The following PFAS variants were observed in gnomAD, a reference collection of about 807,000 sequenced individuals.
The protein encoded by PFAS is phosphoribosylformylglycinamidine synthase.
Under a neutral mutation model 140.6 loss-of-function variants are expected in PFAS, and 97 were observed. The observed-to-expected ratio is 0.69, with a 90% CI of 0.59 to 0.82. The LOEUF (loss-of-function observed/expected upper bound fraction) is 0.82. Ranked by LOEUF, PFAS falls within the 40% of genes least tolerant of loss-of-function variation. The pLI is 0.00. For synonymous variants in PFAS, 679 were observed against 718.8 expected (o/e 0.94, Z 0.88); for missense variants, 1,656 against 1,780.2 (o/e 0.93, Z 1.26).
chr17:8,258,182 A>T lies in PFAS; in HGVS notation c.1319A>T (p.Lys440Met). 1 of 1,614,056 alleles carries T rather than the reference A, an allele frequency of 6.2e-7. No homozygotes were observed. ...IGSMEADHIS[K>M]EAPEPGMEVV... ...TCCATGGAAGCTGACCACATAAGCA[A>T]GGAGGCCCCAGAGCCAGGTAAGAGC... The change falls in exon 11 of 28, where the codon AAG becomes ATG. Residue 440 changes from lysine to methionine, a missense_variant. Physicochemically the swap from Lys to Met is moderately conservative, Grantham distance 95. Coordinates refer to ENST00000314666, the MANE Select transcript of PFAS (RefSeq NM_012393.3).
chr17:8,256,800 A>G, intron 8 of PFAS, 35 bp from the exon 9 acceptor site: 1 of 1,565,676 alleles, frequency 6.4e-7, no homozygotes, highest in Non-Finnish European at 8.6e-7. Context: ...TTTGTCTCTG[A>G]GGCACCCAGA....
intron 1 of PFAS, among the ~76,000 whole-genome samples, chr17:8,252,252 C>T (rs1002025291): frequency 3.2e-4 from 49 of 151,264 alleles, no homozygotes; most frequent in Non-Finnish European, 6.8e-4. Flanking sequence ...CCAGATTGTG[C>T]CACTGCACTC....
At chr17:8,250,752 A>G (rs1567632639) in intron 1 of PFAS, among the ~76,000 whole-genome samples, 4 of 152,194 alleles carry the variant, frequency 2.6e-5, no homozygotes, top group Non-Finnish European at 5.9e-5. Context: ...CAGCAGAGAA[A>G]GAGGTTTAAT....
At chr17:8,256,195 G>A (rs576338195) in intron 6 of PFAS, 72 bp from the exon 7 acceptor site, 1 of 1,467,350 alleles carries the variant, frequency 6.8e-7, no homozygotes, top group African/African-American at 1.4e-5. Context: ...GTTAAATGCT[G>A]GTGAGAAGAC....
chr17:8,264,538 C>G lies in PFAS; in HGVS notation c.1986C>G (p.His662Gln). 1.9e-6 allele frequency: 3 copies of G among 1,613,576 alleles called. No homozygotes were observed. The highest frequency in any genetic ancestry group is 1.7e-6 in the Non-Finnish European group (2 of 1,179,714). Residue 662 changes from histidine to glutamine, a missense_variant, in exon 17 of 28, where the codon CAC (histidine) becomes CAG (glutamine). Coordinates refer to ENST00000314666, the MANE Select transcript of PFAS (RefSeq NM_012393.3). ...PLALPPGLSV[H>Q]QALERVLRLP... ...CCTTGCCCCCAGGGCTGAGCGTGCA[C>G]CAGGCTCTGGAGAGGGTTCTGAGGC...
chr17:8,248,079 TG>T, upstream of PFAS: 5 of 145,626 alleles, frequency 3.4e-5, no homozygotes, highest in Non-Finnish European at 6.8e-5. Context: ...GGTGCTCGCT[TG>T]GGGGTGGGGA....
Position 8,266,394 on chromosome 17 carries a change from C to G in PFAS, c.2821+41C>G. On this transcript the variant is annotated intron_variant, in intron 22 of 27. Transcript: ENST00000314666. The surrounding 1 kb of genome is among the most constrained non-coding windows in gnomAD (Gnocchi z 5.0). ...TCTAGTCTCAGGCCCGGGCTGCCTT[C>G]TCTACCCTGCAGACCCCATTTCCAA... 6.2e-7 allele frequency: 1 copy of G among 1,612,600 alleles called. No individual in the cohort carries two copies. The highest frequency in any genetic ancestry group is 8.5e-7 in the Non-Finnish European group (1 of 1,179,220).
intron 17 of PFAS, 67 bp downstream of exon 17, chr17:8,264,668 C>T: frequency 6.7e-7 from 1 of 1,484,430 alleles, no homozygotes; most frequent in Admixed American, 2.1e-5. Context: ...GCCCTCCCAC[C>T]CTTAGAAAGT....
In PFAS at chr17:8,267,558, A is replaced by G. The variant is rs1209966326; in HGVS notation, c.3275A>G (p.Asp1092Gly). 1 of 1,609,894 alleles carries G rather than the reference A, an allele frequency of 6.2e-7. No homozygotes were observed. Among genetic ancestry groups the G allele is most frequent in the Non-Finnish European group, 8.5e-7 (1 of 1,176,128 alleles). ...CCCTCCCCACCTTCGCAGGTATGGGACGTGACCATGCAGGACCTCTGCTCT... is the reference window on the plus strand; with the variant it reads ...CCCTCCCCACCTTCGCAGGTATGGGGCGTGACCATGCAGGACCTCTGCTCT... ...AFHLAGFEVW[D>G]VTMQDLCSGA... is the part of the protein sequence containing the mutation. Residue 1092 changes from aspartate to glycine, a missense_variant, in exon 26 of 28, where the codon GAC becomes GGC. Asp to Gly is a moderately conservative substitution (Grantham distance 94). Coordinates refer to ENST00000314666, the MANE Select transcript of PFAS (RefSeq NM_012393.3). The surrounding 1 kb of genome is among the most constrained non-coding windows in gnomAD (Gnocchi z 4.9).
rs748861273 is a variant in PFAS, at chr17:8,269,230, A to G, written c.3983A>G (p.Asn1328Ser). ...TTSPWLQLFINARNWTLEGSC is the reference protein window; with the variant it reads ...TTSPWLQLFISARNWTLEGSC ...TCCCCCTGGCTCCAGCTCTTTATCA[A>G]TGCCCGAAACTGGACCCTGGAAGGG... is the stretch of plus-strand genomic sequence containing the variant. Residue 1328 changes from asparagine (N) to serine (S), a missense_variant, in exon 28 of 28, where the codon AAT becomes AGT. This residue lies in a region of PFAS where 883 missense variants were observed against 1,023.0 expected (regional missense o/e 0.86). Transcript: ENST00000314666. The G allele has an allele frequency of 2.2e-5, 35 of 1,612,106 alleles. No individual in the cohort carries two copies. Among genetic ancestry groups the G allele is most frequent in the Middle Eastern group, 3.3e-4 (2 of 6,082 alleles).
chr17:8,251,284 C>G (rs1989140349), intron 1 of PFAS, among the ~76,000 whole-genome samples: 3 of 150,544 alleles, frequency 2.0e-5, no homozygotes, highest in Admixed American at 6.6e-5. Context: ...GACCCCATCT[C>G]AAAAAAAGAA....
chr17:8,248,405 G>A (rs566485036), upstream of PFAS, among the ~76,000 whole-genome samples: 15 of 61,330 alleles, frequency 2.4e-4, no homozygotes, highest in African/African-American at 9.0e-4. Context: ...CACCACGCCC[G>A]GCTAATTTTT....
intron 17 of PFAS, 53 bp downstream of exon 17, chr17:8,264,654 T>C (rs2151592605): frequency 1.3e-6 from 2 of 1,530,472 alleles, no homozygotes; most frequent in Non-Finnish European, 1.8e-6. Context: ...GCTCAGCCTC[T>C]TCTGCCCTCC....
intron 11 of PFAS, among the ~76,000 whole-genome samples, chr17:8,261,384 G>A (rs188211962): frequency 4.6e-5 from 7 of 151,542 alleles, no homozygotes; most frequent in East Asian, 2.0e-4. Flanking sequence ...TTACAGGCAC[G>A]TGCCACCACA....
At chr17:8,248,080 G>C (rs573605755), upstream of PFAS, 28 of 1,484,194 alleles carry the variant, frequency 1.9e-5, no homozygotes, top group Non-Finnish European at 2.4e-5. Flanking sequence ...GTGCTCGCTT[G>C]GGGGTGGGGA....
intron 1 of PFAS, among the ~76,000 whole-genome samples, chr17:8,250,650 G>T (rs1028304636): frequency 2.6e-5 from 4 of 152,162 alleles, no homozygotes; most frequent in African/African-American, 9.7e-5. Context: ...GATAGATGGG[G>T]AGGGCCTTTG....
rs781599080 is a variant in PFAS, at chr17:8,263,169, A to G, written c.1471A>G (p.Met491Val). ...FGAVQRGDPEMEQKMNRVIRA... is the reference protein window; with the variant it reads ...FGAVQRGDPEVEQKMNRVIRA... ...GGCTGTGCAGCGAGGAGACCCGGAG[A>G]TGGAACAGAAGATGAACCGTGTGAT... The change falls in exon 13 of 28, where the codon ATG becomes GTG. Residue 491 changes from methionine (M) to valine (V), a missense_variant. This residue lies in a region of PFAS where 773 missense variants were observed against 757.3 expected (regional missense o/e 1.02). Transcript: ENST00000314666. 6 of 1,613,938 alleles carry G rather than the reference A, an allele frequency of 3.7e-6. No homozygotes were observed. Among genetic ancestry groups the G allele is most frequent in the South Asian group, 1.1e-5 (1 of 91,066 alleles).
intron 1 of PFAS, among the ~76,000 whole-genome samples, chr17:8,249,801 G>A (rs1989075063): frequency 6.6e-6 from 1 of 152,198 alleles, no homozygotes; most frequent in Non-Finnish European, 1.5e-5. Flanking sequence ...AGTTCATTAA[G>A]TCATTCCACA....
Position 8,267,936 on chromosome 17 carries a change from A to G in PFAS, c.3382+271A>G, listed in dbSNP as rs1374936146. On this transcript the variant is annotated intron_variant, in intron 26 of 27. Transcript: ENST00000314666. This position sits in a 1 kb window ranked among gnomAD's most constrained non-coding sequence, Gnocchi z 4.9. Reference sequence around the variant, plus strand: ...TATTATTTATATATTATTAAAATGTATATTATTTATATATTATTAAAATAT... The same window carrying G: ...TATTATTTATATATTATTAAAATGTGTATTATTTATATATTATTAAAATAT... Among the ~76,000 whole-genome samples the G allele has an allele frequency of 4.1e-5, 6 of 144,730 alleles. 1 individual carries two copies. The South Asian group carries it at 1.3e-3, about 31-fold the overall frequency. The allele number at this position is 144,730 out of a possible 152,430, so 94.9% of individuals were successfully genotyped here. A position where few individuals can be genotyped will look rare whatever the true frequency, so the allele number is the denominator to read the frequency against.
Sources: allele counts gnomAD v4.1 joint callset (sites outside exome capture counted in the v4.1 genomes callset), GRCh38; gene constraint gnomAD v4.1.1; regional missense constraint gnomAD v4.1.1; non-coding constraint Gnocchi (gnomAD v3.1); transcripts MANE v1.5; gene names NCBI Gene and HGNC (gene_info 2026-07-23, HGNC 2026-07-21).